BMP2K: variants seen among roughly 807,000 people sequenced by gnomAD.
BMP2K encodes BMP-2-inducible protein kinase.
In BMP2K, 74 loss-of-function variants were observed where a neutral mutation model predicts 116.0. The ratio of observed to expected loss-of-function variants is 0.64; its 90% CI spans 0.53 to 0.77. The LOEUF (loss-of-function observed/expected upper bound fraction) is 0.77. Among genes scored for constraint, BMP2K ranks in the 30% least tolerant of loss-of-function variants. The probability of loss-of-function intolerance (pLI) is 0.00; values close to 1 mark genes in which losing one functional copy is unlikely to be tolerated. For missense variants in BMP2K, 1,365 were observed against 1,403.6 expected, an observed-to-expected ratio of 0.97 and a Z score of 0.44; for synonymous variants, 486 against 502.5, an observed-to-expected ratio of 0.97 and a Z score of 0.44.
Position 78,807,975 on chromosome 4 carries a change from TG to T in BMP2K, c.179-18061del, listed in dbSNP as rs563373385. ...CTATACTTTTTTTATTTCACTTATT[TG>T]TTTCACTTATTTCCACCCTAATTTT... On this transcript the variant is annotated intron_variant, in intron 1 of 15. Transcript: ENST00000502613. Among the ~76,000 whole-genome samples, 382 of 152,266 alleles carry T rather than the reference TG, an allele frequency of 2.5e-3. 2 individuals are homozygous for T. The highest frequency in any genetic ancestry group is 3.4e-3 in the Non-Finnish European group (233 of 68,012).
At chr4:78,849,489 A>G (rs1414970654) in intron 6 of BMP2K, among the ~76,000 whole-genome samples, 1 of 151,626 alleles carries the variant, frequency 6.6e-6, no homozygotes, top group Non-Finnish European at 1.5e-5. Flanking sequence ...AAATTCCTAA[A>G]GTTTGATTGA....
rs561192085 is a variant in BMP2K at position 78,835,627 on chromosome 4, CAAAAAAA to C, written c.403+1956_403+1962del. On this transcript the variant is annotated intron_variant, in intron 3 of 15. Transcript: ENST00000502613. The stretch of plus-strand genomic sequence containing the variant: ...CTGGGCACATAGCGAGACTCCGTGT[CAAAAAAA>C]AAAAAAAAAAAAAAAGTCAAATATC... Among the ~76,000 whole-genome samples, 7 of 69,498 alleles carry C rather than the reference CAAAAAAA, an allele frequency of 1.0e-4. No homozygotes were observed. The South Asian group carries it at 3.0e-3, about 30-fold the overall frequency. The allele number at this position is 69,498 out of a possible 152,430, so 45.6% of individuals were successfully genotyped here.
intron 5 of BMP2K, among the ~76,000 whole-genome samples, chr4:78,845,563 C>CT (rs1220092672): frequency 6.6e-6 from 1 of 151,566 alleles, no homozygotes; most frequent in Non-Finnish European, 1.5e-5. Flanking sequence ...GTCATATCTA[C>CT]TTTATGTTCT....
Position 78,776,481 on chromosome 4 carries a change from G to A in BMP2K, c.-63G>A. 9.0e-7 allele frequency: 1 copy of A among 1,111,514 alleles called. No individual in the cohort carries two copies. The highest frequency in any genetic ancestry group is 1.1e-6 in the Non-Finnish European group (1 of 910,636). The allele number at this position is 1,111,514 out of a possible 1,614,324, so 68.9% of individuals were successfully genotyped here. On this transcript the variant is annotated 5_prime_UTR_variant, in exon 1 of 16. Coordinates refer to ENST00000502613, the MANE Select transcript of BMP2K (RefSeq NM_198892.2). Reference sequence around the variant, plus strand: ...GGCGACCCCTCGCGGACGCCCGGCTGCGCGCCGGGCCGGGGACTTGCCCTT... The same window carrying A: ...GGCGACCCCTCGCGGACGCCCGGCTACGCGCCGGGCCGGGGACTTGCCCTT...
At chr4:78,831,673 A>C (rs1419165036) in intron 2 of BMP2K, among the ~76,000 whole-genome samples, 1 of 152,238 alleles carries the variant, frequency 6.6e-6, no homozygotes, top group East Asian at 1.9e-4. Flanking sequence ...ATGGCAAGGC[A>C]TCTTTCAACA....
intron 10 of BMP2K, among the ~76,000 whole-genome samples, chr4:78,866,908 C>T (rs1039724198): frequency 6.6e-6 from 1 of 152,128 alleles, no homozygotes; most frequent in Non-Finnish European, 1.5e-5. Context: ...GTATTGGATA[C>T]TGTCAAGAAG....
Position 78,911,930 on chromosome 4 carries a change from T to C in BMP2K, c.3383T>C (p.Phe1128Ser), listed in dbSNP as rs535814375. The change falls in exon 16 of 16, where the codon TTT becomes TCT. Residue 1128 changes from phenylalanine (F) to serine (S), a missense_variant. By Grantham distance (155) the Phe-to-Ser change is radical. Coordinates refer to ENST00000502613, the MANE Select transcript of BMP2K (RefSeq NM_198892.2). ...LKMDDFGAVP[F>S]TELVVQSITP... ...ATGGATGATTTTGGTGCCGTGCCCT[T>C]TACAGAACTTGTGGTGCAAAGCATC... is the stretch of plus-strand genomic sequence containing the variant. The C allele has an allele frequency of 5.0e-6, 8 of 1,613,960 alleles. No homozygotes were observed. In the African/African-American group the frequency reaches 6.7e-5, roughly 13 times the overall value.
At chr4:78,879,916 G>T (rs1732816449) in intron 14 of BMP2K, 1 of 152,056 alleles carries the variant, frequency 6.6e-6, no homozygotes, top group Non-Finnish European at 1.5e-5. Flanking sequence ...ATGATTAAAT[G>T]CAGATATAAA....
At chr4:78,888,502 G>C (rs1733232322) in intron 15 of BMP2K, among the ~76,000 whole-genome samples, 1 of 152,142 alleles carries the variant, frequency 6.6e-6, no homozygotes, top group Admixed American at 6.5e-5. Flanking sequence ...TACATCCTCT[G>C]TTAGGAATTG....
intron 15 of BMP2K, among the ~76,000 whole-genome samples, chr4:78,897,697 T>C (rs1733776732): frequency 6.6e-6 from 1 of 152,232 alleles, no homozygotes; most frequent in Admixed American, 6.5e-5. Context: ...ATAATTTGTT[T>C]TAATTTATAT....
rs1269925550 is a variant in BMP2K at position 78,913,704 on chromosome 4, A to G, written c.*1671A>G. 1.3e-5 allele frequency: 2 copies of G among 152,174 alleles called. No homozygotes were observed. Among genetic ancestry groups the G allele is most frequent in the Non-Finnish European group, 2.9e-5 (2 of 68,004 alleles). The allele number at this position is 152,174 out of a possible 1,614,324, so 9.4% of individuals were successfully genotyped here. ...TTCTGAACTTGGAAAGAAGCAAAGT[A>G]TATGTAACTAAACCACATATTTGTC... is the stretch of plus-strand genomic sequence containing the variant. On this transcript the variant is annotated 3_prime_UTR_variant, in exon 16 of 16. Coordinates refer to ENST00000502613, the MANE Select transcript of BMP2K (RefSeq NM_198892.2).
At chr4:78,809,210 T>C (rs1728963738) in intron 1 of BMP2K, among the ~76,000 whole-genome samples, 1 of 152,248 alleles carries the variant, frequency 6.6e-6, no homozygotes, top group Non-Finnish European at 1.5e-5. Flanking sequence ...TCTAATGCAT[T>C]TCCTTGTCTT....
intron 3 of BMP2K, among the ~76,000 whole-genome samples, chr4:78,834,263 A>AT (rs561686382): frequency 0.12 from 16,940 of 141,768 alleles, 3,232 homozygotes; most frequent in African/African-American, 0.41. Context: ...TGACATTTAA[A>AT]TTTTTTTTTT....
chr4:78,909,363 A>AT (rs936033561), intron 15 of BMP2K, among the ~76,000 whole-genome samples: 13 of 55,476 alleles, frequency 2.3e-4, no homozygotes, highest in Non-Finnish European at 3.9e-4. Flanking sequence ...TAGAGCAGTC[A>AT]TTTTTTTTTA....
chr4:78,849,939 C>A (rs1348909640), intron 6 of BMP2K, among the ~76,000 whole-genome samples: 4 of 151,670 alleles, frequency 2.6e-5, no homozygotes, highest in African/African-American at 9.7e-5. Flanking sequence ...GCTGAGTTTA[C>A]TAAGTTGATA....
intron 7 of BMP2K, among the ~76,000 whole-genome samples, chr4:78,854,774 A>C (rs1731421293): frequency 6.6e-6 from 1 of 152,094 alleles, no homozygotes; most frequent in African/African-American, 2.4e-5. Flanking sequence ...TTGTTATGGA[A>C]ATTTAATAAT....
intron 1 of BMP2K, among the ~76,000 whole-genome samples, chr4:78,800,908 A>G (rs1031180132): frequency 6.6e-6 from 1 of 152,242 alleles, no homozygotes; most frequent in African/African-American, 2.4e-5. Context: ...GAATACATTT[A>G]AACATTTAAT....
At chr4:78,816,172 G>A (rs1164745585) in intron 1 of BMP2K, among the ~76,000 whole-genome samples, 1 of 152,090 alleles carries the variant, frequency 6.6e-6, no homozygotes, top group Admixed American at 6.6e-5. Context: ...GTAACGTGAA[G>A]TTAAACCTTA....
intron 14 of BMP2K, among the ~76,000 whole-genome samples, chr4:78,882,557 A>C (rs1018645384): frequency 6.6e-6 from 1 of 151,852 alleles, no homozygotes; most frequent in Non-Finnish European, 1.5e-5. Context: ...TGACAATTTA[A>C]AATTGCCATA....
Sources: gnomAD v4.1 joint callset for allele counts (sites outside exome capture counted in the v4.1 genomes callset) on GRCh38, gnomAD v4.1.1 for gene constraint, MANE v1.5 for transcripts, NCBI Gene and HGNC (gene_info 2026-07-23, HGNC 2026-07-21) for gene names.